Variants in DLGAP2 observed in about 807,000 individuals in gnomAD.
The protein encoded by DLGAP2 is DLG associated protein 2.
A neutral mutation model predicts 100.3 loss-of-function variants in DLGAP2; 26 were observed. The ratio of observed to expected loss-of-function variants is 0.26; its 90% confidence interval spans 0.19 to 0.36. DLGAP2 has a LOEUF of 0.36. Among genes scored for constraint, DLGAP2 ranks in the 10% least tolerant of loss-of-function variants. The probability of loss-of-function intolerance (pLI) is 1.00; values close to 1 mark genes in which losing one functional copy is unlikely to be tolerated. For missense variants in DLGAP2, 1,858 were observed against 1,453.2 expected (o/e 1.28, Z -4.53); for synonymous variants, 886 against 630.1 (o/e 1.41, Z -6.08).
At chr8:1,511,900 A>G (rs977920143) in intron 4 of DLGAP2, among the ~76,000 whole-genome samples, 4 of 152,274 alleles carry the variant, frequency 2.6e-5, no homozygotes, top group African/African-American at 9.6e-5. Flanking sequence ...GAGAAACATT[A>G]GGCTCCAAGT....
chr8:1,356,157 G>C (rs879500911), intron 3 of DLGAP2, among the ~76,000 whole-genome samples: 9 of 152,156 alleles, frequency 5.9e-5, no homozygotes, highest in Admixed American at 5.9e-4. Context: ...CCCCTGCATG[G>C]CTCTTGCCCT....
chr8:1,442,805 C>G (rs1012482722), intron 3 of DLGAP2, among the ~76,000 whole-genome samples: 5 of 149,370 alleles, frequency 3.3e-5, no homozygotes, highest in Non-Finnish European at 5.9e-5. Flanking sequence ...GGTTCAGCCA[C>G]TGGGGGAGAC....
At chr8:1,037,287 T>G (rs1327009203) in intron 2 of DLGAP2, among the ~76,000 whole-genome samples, 1 of 152,152 alleles carries the variant, frequency 6.6e-6, no homozygotes, top group East Asian at 1.9e-4. Flanking sequence ...GGCGTGACCC[T>G]GACTTCAGGC....
intron 8 of DLGAP2, among the ~76,000 whole-genome samples, chr8:1,663,607 C>G (rs1186272300): frequency 6.6e-6 from 1 of 152,052 alleles, no homozygotes; most frequent in Non-Finnish European, 1.5e-5. Context: ...AGGAAAGGAC[C>G]GAGAAGCCCC....
chr8:1,461,111 G>T (rs1298503451), intron 3 of DLGAP2, among the ~76,000 whole-genome samples: 1 of 151,672 alleles, frequency 6.6e-6, no homozygotes, highest in Non-Finnish European at 1.5e-5. Context: ...ACGTGGGCTG[G>T]GTGCAGTCGC....
At chr8:1,614,121 C>A (rs1797072278) in intron 6 of DLGAP2, among the ~76,000 whole-genome samples, 1 of 152,076 alleles carries the variant, frequency 6.6e-6, no homozygotes, top group Admixed American at 6.6e-5. Context: ...GTGACTGAGC[C>A]CTCGTAGCCC....
intron 3 of DLGAP2, among the ~76,000 whole-genome samples, chr8:1,422,016 C>G (rs1014493790): frequency 6.6e-6 from 1 of 151,702 alleles, no homozygotes; most frequent in Non-Finnish European, 1.5e-5. Flanking sequence ...AAACAGTTAG[C>G]AATCATAATA....
intron 2 of DLGAP2, among the ~76,000 whole-genome samples, chr8:1,232,624 C>T (rs1447390337): frequency 6.6e-6 from 1 of 152,220 alleles, no homozygotes; most frequent in African/African-American, 2.4e-5. Context: ...AGTGTGGAAT[C>T]CACAAGATGC....
chr8:1,572,501 C>T (rs1352278660), intron 6 of DLGAP2, among the ~76,000 whole-genome samples: 4 of 101,418 alleles, frequency 3.9e-5, no homozygotes, highest in East Asian at 3.1e-4. Context: ...ACTGTGGGGG[C>T]ATCTTCTGGG....
Position 891,878 on chromosome 8 carries a change from G to C in DLGAP2, c.19-16034G>C, listed in dbSNP as rs151278258. On this transcript the variant is annotated intron_variant, in intron 1 of 14. Transcript: ENST00000637795. Reference sequence around the variant, plus strand: ...GGAGGACCTTGGGAGAGCTTCCACTGCTGCAGGGAAGCCGGGCTAGTGACT... The same window carrying C: ...GGAGGACCTTGGGAGAGCTTCCACTCCTGCAGGGAAGCCGGGCTAGTGACT... Among the ~76,000 whole-genome samples the C allele has an allele frequency of 7.8e-4, 119 of 152,306 alleles. 1 individual carries two copies. Among genetic ancestry groups the C allele is most frequent in the African/African-American group, 2.8e-3 (116 of 41,580 alleles).
intron 6 of DLGAP2, among the ~76,000 whole-genome samples, chr8:1,616,354 T>G (rs1421186752): frequency 3.3e-5 from 5 of 152,126 alleles, no homozygotes; most frequent in Non-Finnish European, 5.9e-5. Flanking sequence ...TGGCCAAATA[T>G]TTTACAAATT....
chr8:1,032,268 G>C (rs1334855842), intron 2 of DLGAP2, among the ~76,000 whole-genome samples: 3 of 152,210 alleles, frequency 2.0e-5, no homozygotes, highest in Non-Finnish European at 4.4e-5. Context: ...CTCTGCTGTG[G>C]AGGCAGTGGG....
rs553379042 is a variant in DLGAP2 at position 1,160,012 on chromosome 8, C to CA, written c.74-98838dup. Among the ~76,000 whole-genome samples the CA allele has an allele frequency of 8.5e-4, 130 of 152,280 alleles. 1 individual carries two copies. The South Asian group carries it at 0.016, about 19-fold the overall frequency. ...GTCTTTAAGTGTGAGGAGGCAGCAC[C>CA]ACCTGCACGCTGTTTGTGATGACCG... On this transcript the variant is annotated intron_variant, in intron 2 of 14. Transcript: ENST00000637795.
At chr8:751,046 C>T (rs1272038211) in intron 1 of DLGAP2, among the ~76,000 whole-genome samples, 1 of 151,758 alleles carries the variant, frequency 6.6e-6, no homozygotes, top group African/African-American at 2.4e-5. Context: ...CGGAAAGGAG[C>T]ATTTTCCTGG....
intron 2 of DLGAP2, among the ~76,000 whole-genome samples, chr8:950,455 T>A (rs1799450218): frequency 6.6e-6 from 1 of 152,100 alleles, no homozygotes; most frequent in South Asian, 2.1e-4. Flanking sequence ...TGCAGCACCA[T>A]TTATGAAGGA....
At chr8:1,440,836 C>G (rs1002976778) in intron 3 of DLGAP2, among the ~76,000 whole-genome samples, 1 of 152,204 alleles carries the variant, frequency 6.6e-6, no homozygotes, top group Admixed American at 6.5e-5. Context: ...TTCCAGCAAC[C>G]ACGGAACTCT....
At chr8:1,225,782 G>A (rs1350011906) in intron 2 of DLGAP2, among the ~76,000 whole-genome samples, 3 of 152,284 alleles carry the variant, frequency 2.0e-5, no homozygotes, top group Non-Finnish European at 4.4e-5. Flanking sequence ...CATCTATTGT[G>A]TATTGTGGTG....
intron 2 of DLGAP2, among the ~76,000 whole-genome samples, chr8:1,245,705 C>G: frequency 6.6e-6 from 1 of 152,272 alleles, no homozygotes; most frequent in African/African-American, 2.4e-5. Flanking sequence ...TGTGCACTTT[C>G]AGTGGGTGAA....
chr8:1,215,381 G>A (rs1798193233), intron 2 of DLGAP2, among the ~76,000 whole-genome samples: 1 of 152,040 alleles, frequency 6.6e-6, no homozygotes, highest in East Asian at 1.9e-4. Context: ...TGCAGGTTGA[G>A]AGTGGTACCC....
Sources: gnomAD v4.1 joint callset for allele counts (sites outside exome capture counted in the v4.1 genomes callset) on GRCh38, gnomAD v4.1.1 for gene constraint, MANE v1.5 for transcripts, NCBI Gene and HGNC (gene_info 2026-07-23, HGNC 2026-07-21) for gene names.